KIRREL3: variants seen among roughly 807,000 people sequenced by gnomAD.
KIRREL3 encodes the protein kirre like nephrin family adhesion molecule 3.
In KIRREL3, 36 loss-of-function variants were observed where a neutral mutation model predicts 89.7. The ratio of observed to expected loss-of-function variants is 0.40; its 90% CI spans 0.31 to 0.53. The LOEUF is 0.53. KIRREL3 is among the 20% of genes least tolerant of loss of function. The pLI is 0.49. For missense variants in KIRREL3, 864 were observed against 1,056.6 expected, an observed-to-expected ratio of 0.82 and a Z score of 2.53; for synonymous variants, 445 against 441.4, an observed-to-expected ratio of 1.01 and a Z score of -0.10.
rs532675766 is a variant in KIRREL3, at chr11:126,905,865, G to C, written c.55+94590C>G. Among the ~76,000 whole-genome samples the C allele has an allele frequency of 2.0e-5, 3 of 152,138 alleles. No homozygotes were observed. The highest frequency in any genetic ancestry group is 4.4e-5 in the Non-Finnish European group (3 of 68,038). On this transcript the variant is annotated intron_variant, in intron 1 of 16. Coordinates refer to ENST00000525144, the MANE Select transcript of KIRREL3 (RefSeq NM_032531.4). This position sits in a 1 kb window ranked among gnomAD's most constrained non-coding sequence, Gnocchi z 5.0. ...AAGCACTTCAGGGGTTCCTTTGTCCGCACCCAGCCATGCAAAATTCCTGGT... is the reference window on the plus strand; with the variant it reads ...AAGCACTTCAGGGGTTCCTTTGTCCCCACCCAGCCATGCAAAATTCCTGGT...
rs58257040 is a variant in KIRREL3, at chr11:126,689,042, AAGAGAGAG to A, written c.56-126138_56-126131del. ...ATGTGTGTGTGTGTAAGGGGGAGAGAAGAGAGAGAGAGAGAGAGAGAGAGAGAGAGAGA... is the reference window on the plus strand; with the variant it reads ...ATGTGTGTGTGTGTAAGGGGGAGAGAAGAGAGAGAGAGAGAGAGAGAGAGA... On this transcript the variant is annotated intron_variant, in intron 1 of 16. Transcript: ENST00000525144. This position sits in a 1 kb window ranked among gnomAD's most constrained non-coding sequence, Gnocchi z 5.2. 0.058 allele frequency among the ~76,000 whole-genome samples: 7,546 copies of A among 129,774 alleles called. 616 individuals carry two copies. The highest frequency in any genetic ancestry group is 0.2 in the African/African-American group (6,669 of 33,388). 85.1% of individuals were successfully genotyped at this position (129,774 alleles called of 152,430 possible).
intron 1 of KIRREL3, among the ~76,000 whole-genome samples, chr11:126,728,873 C>T (rs1354427111): frequency 6.6e-6 from 1 of 152,232 alleles, no homozygotes; most frequent in African/African-American, 2.4e-5. Flanking sequence ...TCCCTGCACC[C>T]CACAGACGCT....
In KIRREL3 at chr11:126,936,613, G is replaced by A. The variant is rs552556183; in HGVS notation, c.55+63842C>T. The A allele has an allele frequency of 4.0e-5, 6 of 148,874 alleles. No individual in the cohort carries two copies. In the East Asian group the frequency reaches 5.9e-4, roughly 15 times the overall value. 9.2% of individuals were successfully genotyped at this position (148,874 alleles called of 1,614,324 possible). On this transcript the variant is annotated intron_variant, in intron 1 of 16. Coordinates refer to ENST00000525144, the MANE Select transcript of KIRREL3 (RefSeq NM_032531.4). The stretch of plus-strand genomic sequence containing the variant: ...TGCATATTGATGCATGCTACTACAC[G>A]GATGCACCTCAAAACCATACTAAGT...
Position 126,891,953 on chromosome 11 carries a change from C to A in KIRREL3, c.55+108502G>T, listed in dbSNP as rs749222504. Among the ~76,000 whole-genome samples, 2 of 152,098 alleles carry A rather than the reference C, an allele frequency of 1.3e-5. No homozygotes were observed. The highest frequency in any genetic ancestry group is 2.9e-5 in the Non-Finnish European group (2 of 67,994). ...TGGGGTTTGATATCTTTCAGGAAGC[C>A]TAGGAATTCTAGGCCACTGCCAGCA... is the stretch of plus-strand genomic sequence containing the variant. On this transcript the variant is annotated intron_variant, in intron 1 of 16. Transcript: ENST00000525144. The surrounding 1 kb of genome is among the most constrained non-coding windows in gnomAD (Gnocchi z 5.1).
chr11:126,594,496 C>T lies in KIRREL3; in HGVS notation c.56-31584G>A, dbSNP rs1238512455. On this transcript the variant is annotated intron_variant, in intron 1 of 16. Transcript: ENST00000525144. The surrounding 1 kb of genome is among the most constrained non-coding windows in gnomAD (Gnocchi z 5.0). Reference sequence around the variant, plus strand: ...AAATCTCAGCTCCTTCCACTTTTTTCGCTGTGTAACTTTAGAATTCCTTTA... The same window carrying T: ...AAATCTCAGCTCCTTCCACTTTTTTTGCTGTGTAACTTTAGAATTCCTTTA... Among the ~76,000 whole-genome samples, 6 of 152,238 alleles carry T rather than the reference C, an allele frequency of 3.9e-5. No homozygotes were observed. Among genetic ancestry groups the T allele is most frequent in the Non-Finnish European group, 7.4e-5 (5 of 68,018 alleles).
chr11:126,885,408 A>T (rs1295451287), intron 1 of KIRREL3, among the ~76,000 whole-genome samples: 1 of 152,198 alleles, frequency 6.6e-6, no homozygotes, highest in African/African-American at 2.4e-5. Flanking sequence ...CACTTGGAGA[A>T]ATTTTCAGGC....
Position 126,782,087 on chromosome 11 carries a change from C to A in KIRREL3, c.55+218368G>T, listed in dbSNP as rs1478145752. On this transcript the variant is annotated intron_variant, in intron 1 of 16. Transcript: ENST00000525144. This position sits in a 1 kb window ranked among gnomAD's most constrained non-coding sequence, Gnocchi z 4.1. The stretch of plus-strand genomic sequence containing the variant: ...ATGCGATGTGCTCAGCATATAATTT[C>A]CTCCTCCTGGGTTCACAGGAAGACA... Among the ~76,000 whole-genome samples the A allele has an allele frequency of 1.2e-5, 1 of 86,346 alleles. No homozygotes were observed. Among genetic ancestry groups the A allele is most frequent in the African/African-American group, 4.0e-5 (1 of 25,288 alleles). 56.6% of individuals were successfully genotyped at this position (86,346 alleles called of 152,430 possible).
At chr11:126,675,471 G>A (rs1390893165) in intron 1 of KIRREL3, among the ~76,000 whole-genome samples, 1 of 152,222 alleles carries the variant, frequency 6.6e-6, no homozygotes, top group Admixed American at 6.5e-5. Context: ...GCTGAGAGAT[G>A]GAGTTAGGTA....
intron 1 of KIRREL3, among the ~76,000 whole-genome samples, chr11:126,957,481 C>T (rs1056829596): frequency 6.6e-6 from 1 of 152,172 alleles, no homozygotes; most frequent in African/African-American, 2.4e-5. Flanking sequence ...TCAAAGGCTG[C>T]CACGGGAAGG....
chr11:126,908,627 G>A lies in KIRREL3; in HGVS notation c.55+91828C>T, dbSNP rs1946681673. 6.6e-6 allele frequency among the ~76,000 whole-genome samples: 1 copy of A among 152,134 alleles called. No individual in the cohort carries two copies. Among genetic ancestry groups the A allele is most frequent in the Non-Finnish European group, 1.5e-5 (1 of 68,020 alleles). On this transcript the variant is annotated intron_variant, in intron 1 of 16. Coordinates refer to ENST00000525144, the MANE Select transcript of KIRREL3 (RefSeq NM_032531.4). The surrounding 1 kb of genome is among the most constrained non-coding windows in gnomAD (Gnocchi z 4.2). ...ATCAAGAAAACTGAAAGTCACAAAAGGTAAGTGATTTGCTCAAAATCACAA... is the reference window on the plus strand; with the variant it reads ...ATCAAGAAAACTGAAAGTCACAAAAAGTAAGTGATTTGCTCAAAATCACAA...
In KIRREL3 at chr11:126,579,072, C is replaced by T. The variant is rs943099927; in HGVS notation, c.56-16160G>A. Among the ~76,000 whole-genome samples, 2 of 151,972 alleles carry T rather than the reference C, an allele frequency of 1.3e-5. No individual in the cohort carries two copies. Among genetic ancestry groups the T allele is most frequent in the Non-Finnish European group, 2.9e-5 (2 of 68,008 alleles). Reference sequence around the variant, plus strand: ...CCGTGCTCTGTCCGTGTGCTGCCTCCGAGAAGCCATGGCCAAGAAAGGTCT... The same window carrying T: ...CCGTGCTCTGTCCGTGTGCTGCCTCTGAGAAGCCATGGCCAAGAAAGGTCT... On this transcript the variant is annotated intron_variant, in intron 1 of 16. Coordinates refer to ENST00000525144, the MANE Select transcript of KIRREL3 (RefSeq NM_032531.4). The surrounding 1 kb of genome is among the most constrained non-coding windows in gnomAD (Gnocchi z 5.3).
At chr11:126,861,357 G>A (rs1225288572) in intron 1 of KIRREL3, among the ~76,000 whole-genome samples, 1 of 152,140 alleles carries the variant, frequency 6.6e-6, no homozygotes, top group Non-Finnish European at 1.5e-5. Context: ...AGACCACCCA[G>A]TGGGAACTGG....
chr11:126,786,270 T>C (rs954682902), intron 1 of KIRREL3, among the ~76,000 whole-genome samples: 8 of 152,218 alleles, frequency 5.3e-5, no homozygotes, highest in African/African-American at 1.7e-4. Context: ...TGTTAAAATA[T>C]GCATAAGAAA....
In KIRREL3 at chr11:126,905,642, G is replaced by A. The variant is rs77915856; in HGVS notation, c.55+94813C>T. Among the ~76,000 whole-genome samples the A allele has an allele frequency of 5.9e-5, 9 of 152,096 alleles. No individual in the cohort carries two copies. The East Asian group carries it at 1.2e-3, about 20-fold the overall frequency. ...TGCACAGTGGCTTGGTGTGTGATTC[G>A]GTGTGCTAAATGGCATGTCTCCATT... On this transcript the variant is annotated intron_variant, in intron 1 of 16. Transcript: ENST00000525144. This position sits in a 1 kb window ranked among gnomAD's most constrained non-coding sequence, Gnocchi z 5.0.
At chr11:127,002,930 G>T (rs1011069359), upstream of KIRREL3, 2 of 152,058 alleles carry the variant, frequency 1.3e-5, no homozygotes, top group African/African-American at 4.8e-5. Context: ...GGAAAGAAGA[G>T]GGGGGCCTGG....
chr11:126,820,841 T>A (rs1435393897), intron 1 of KIRREL3, among the ~76,000 whole-genome samples: 2 of 152,164 alleles, frequency 1.3e-5, no homozygotes, highest in East Asian at 1.9e-4. Flanking sequence ...CTTATCCCCC[T>A]TTTCCAGGTG....
intron 1 of KIRREL3, among the ~76,000 whole-genome samples, chr11:126,658,665 C>T (rs957518324): frequency 2.6e-5 from 4 of 152,360 alleles, no homozygotes; most frequent in East Asian, 1.9e-4. Flanking sequence ...ATCTGCATCT[C>T]GTTAAGACTT....
chr11:126,836,167 C>A (rs1278420880), intron 1 of KIRREL3, among the ~76,000 whole-genome samples: 1 of 152,218 alleles, frequency 6.6e-6, no homozygotes, highest in Non-Finnish European at 1.5e-5. Flanking sequence ...AGTTTTCAGT[C>A]AGTTCTGTGA....
At position 126,943,784 on chromosome 11, in the gene KIRREL3, A is replaced by G. The variant is rs1450039561; in HGVS notation, c.55+56671T>C. Among the ~76,000 whole-genome samples, 1 of 152,184 alleles carries G rather than the reference A, an allele frequency of 6.6e-6. No homozygotes were observed. The highest frequency in any genetic ancestry group is 1.5e-5 in the Non-Finnish European group (1 of 68,048). ...CATTTCCCTATGCCCCCTGAGTTTT[A>G]GAGATACCCTATTTGAATGAGAGAA... On this transcript the variant is annotated intron_variant, in intron 1 of 16. Transcript: ENST00000525144. This position sits in a 1 kb window ranked among gnomAD's most constrained non-coding sequence, Gnocchi z 4.2.
Sources: gnomAD v4.1 joint callset for allele counts (sites outside exome capture counted in the v4.1 genomes callset) on GRCh38, gnomAD v4.1.1 for gene constraint, Gnocchi (gnomAD v3.1) non-coding constraint, MANE v1.5 for transcripts, NCBI Gene and HGNC (gene_info 2026-07-23, HGNC 2026-07-21) for gene names.